TBC1D32: variants seen among roughly 807,000 people sequenced by gnomAD.
TBC1D32 encodes the protein TBC1 domain family member 32, also known as protein broad-minded.
Under a neutral mutation model 170.3 loss-of-function variants are expected in TBC1D32, and 151 were observed. That is an observed-to-expected ratio of 0.89 (90% CI 0.78 to 1.01). The LOEUF is 1.01. Ranked by LOEUF, TBC1D32 falls within the 50% of genes least tolerant of loss-of-function variation. TBC1D32 has a pLI of 0.00. For missense variants in TBC1D32, 1,464 were observed against 1,457.1 expected (o/e 1.00, Z -0.08); for synonymous variants, 498 against 488.0 (o/e 1.02, Z -0.27).
At chr6:121,250,062 CT>C (rs1335912002) in intron 17 of TBC1D32, among the ~76,000 whole-genome samples, 2 of 152,060 alleles carry the variant, frequency 1.3e-5, no homozygotes, top group African/African-American at 4.8e-5. Flanking sequence ...CTGAAGGCAT[CT>C]CATTACCCAC....
At chr6:121,256,972 G>A (rs116874176) in intron 15 of TBC1D32, among the ~76,000 whole-genome samples, 3,636 of 151,952 alleles carry the variant, frequency 0.024, 158 homozygotes, top group East Asian at 0.12. Flanking sequence ...ATGCCCGGCC[G>A]GCTGAGACAC....
rs200173892 is a variant in TBC1D32, at chr6:121,080,849, T to A, written c.3696A>T (p.Glu1232Asp). The A allele has an allele frequency of 6.2e-7, 1 of 1,613,850 alleles. No homozygotes were observed. Reference sequence around the variant, plus strand: ...AGTTTTGTTCCAAAATTTCCATGTATTCAAAATAATCACTCACTCGAAACC... The same window carrying A: ...AGTTTTGTTCCAAAATTTCCATGTAATCAAAATAATCACTCACTCGAAACC... Reference protein sequence around the residue: ...LHGFRVSDYFEYMEILEQNYR... With the variant: ...LHGFRVSDYFDYMEILEQNYR... The change falls in exon 32 of 32, where the codon GAA (glutamate) becomes GAT (aspartate). Residue 1232 changes from glutamate to aspartate, a missense_variant. Glu to Asp is a conservative substitution (Grantham distance 45). Coordinates refer to ENST00000398212, the MANE Select transcript of TBC1D32 (RefSeq NM_152730.6).
Position 121,161,050 on chromosome 6 carries a change from A to G in TBC1D32, c.2577T>C (p.Phe859=). 1 of 1,606,662 alleles carries G rather than the reference A, an allele frequency of 6.2e-7. No homozygotes were observed. The highest frequency in any genetic ancestry group is 1.7e-5 in the Admixed American group (1 of 59,080). The part of the protein sequence containing the change: ...EQSHIFGLRD[F]IIDGLSVERN... ...TCTCCACTGATAAGCCATCAATTATAAAGTCCCTGAAAAAATAAATATATC... is the reference window on the plus strand; with the variant it reads ...TCTCCACTGATAAGCCATCAATTATGAAGTCCCTGAAAAAATAAATATATC... The change falls in exon 23 of 32, where the codon TTT becomes TTC. Residue 859 remains phenylalanine, a synonymous_variant. Transcript: ENST00000398212.
At chr6:121,244,520 A>T (rs926323643) in intron 17 of TBC1D32, among the ~76,000 whole-genome samples, 6 of 152,112 alleles carry the variant, frequency 3.9e-5, no homozygotes, top group African/African-American at 1.4e-4. Context: ...ACTGAGGTAA[A>T]GTTCCAGAGG....
At chr6:121,259,912 G>C (rs1243637106) in intron 15 of TBC1D32, among the ~76,000 whole-genome samples, 2 of 152,164 alleles carry the variant, frequency 1.3e-5, no homozygotes, top group Non-Finnish European at 2.9e-5. Context: ...AAGGTAGGCA[G>C]AGCTCAAGAA....
chr6:121,085,250 T>TATATATACAC (rs60281068), intron 31 of TBC1D32, among the ~76,000 whole-genome samples: 33,937 of 142,396 alleles, frequency 0.24, 6,034 homozygotes, highest in African/African-American at 0.51. Flanking sequence ...TACATACGTA[T>TATATATACAC]ATATATACAC....
chr6:121,333,895 C>T (rs546892941), intron 1 of TBC1D32, among the ~76,000 whole-genome samples: 1 of 151,824 alleles, frequency 6.6e-6, no homozygotes, highest in African/African-American at 2.4e-5. Flanking sequence ...GGTGAAACAC[C>T]GTCTCTACTA....
At chr6:121,198,430 C>G (rs1288717818) in intron 22 of TBC1D32, among the ~76,000 whole-genome samples, 1 of 150,138 alleles carries the variant, frequency 6.7e-6, no homozygotes, top group Non-Finnish European at 1.5e-5. Context: ...AGGCTTAGGG[C>G]TGGACATACA....
intron 24 of TBC1D32, among the ~76,000 whole-genome samples, chr6:121,148,162 T>G (rs1783719856): frequency 6.6e-6 from 1 of 151,652 alleles, no homozygotes; most frequent in African/African-American, 2.4e-5. Context: ...CAGGCCCCAG[T>G]GTGTGATGTT....
chr6:121,285,083 G>C (rs1489773969), intron 12 of TBC1D32, among the ~76,000 whole-genome samples: 2 of 152,154 alleles, frequency 1.3e-5, no homozygotes, highest in African/African-American at 4.8e-5. Context: ...AACGGGGTCA[G>C]CAAACTATAG....
chr6:121,115,265 T>C (rs768008760), intron 26 of TBC1D32, 24 bp from the exon 27 acceptor site: 2 of 1,520,786 alleles, frequency 1.3e-6, no homozygotes, highest in Non-Finnish European at 1.8e-6. Context: ...AAAACTGAGT[T>C]ATAAAGTGCA....
intron 30 of TBC1D32, among the ~76,000 whole-genome samples, chr6:121,099,091 A>T (rs969358276): frequency 6.6e-6 from 1 of 152,006 alleles, no homozygotes; most frequent in Non-Finnish European, 1.5e-5. Context: ...GGGGAAAAAG[A>T]GCAAATGAGA....
At chr6:121,191,362 C>T (rs1319770954) in intron 22 of TBC1D32, among the ~76,000 whole-genome samples, 1 of 152,194 alleles carries the variant, frequency 6.6e-6, no homozygotes. Context: ...ACATAAATTA[C>T]ATACAGTAAC....
intron 26 of TBC1D32, among the ~76,000 whole-genome samples, chr6:121,123,427 C>T (rs1212664111): frequency 2.0e-5 from 3 of 152,012 alleles, no homozygotes; most frequent in South Asian, 2.1e-4. Context: ...GTGTTAGGTG[C>T]ATGTATATTT....
At chr6:121,152,208 T>G (rs111585037) in intron 24 of TBC1D32, among the ~76,000 whole-genome samples, 2 of 152,160 alleles carry the variant, frequency 1.3e-5, no homozygotes, top group East Asian at 3.9e-4. Flanking sequence ...AGTGACAAAA[T>G]CCCTCAGCAT....
chr6:121,185,884 T>C (rs1247174992), intron 22 of TBC1D32, among the ~76,000 whole-genome samples: 1 of 152,034 alleles, frequency 6.6e-6, no homozygotes, highest in Non-Finnish European at 1.5e-5. Context: ...ATTGGTGGAA[T>C]GGCATGTTGA....
At chr6:121,272,635 ATAGGAACACTTT>A (rs1445330802) in intron 15 of TBC1D32, among the ~76,000 whole-genome samples, 2 of 152,190 alleles carry the variant, frequency 1.3e-5, no homozygotes, top group African/African-American at 4.8e-5. Flanking sequence ...ATGTGGAGAA[ATAGGAACACTTT>A]TACACTGTTG....
chr6:121,151,676 T>C (rs1437968729), intron 24 of TBC1D32, among the ~76,000 whole-genome samples: 3 of 152,368 alleles, frequency 2.0e-5, no homozygotes, highest in African/African-American at 7.2e-5. Flanking sequence ...TTTATGAATC[T>C]AGGTGCTCTT....
chr6:121,304,941 A>C, intron 5 of TBC1D32, 108 bp from the exon 6 acceptor site: 2 of 729,306 alleles, frequency 2.7e-6, no homozygotes, highest in Non-Finnish European at 4.5e-6. Context: ...AATACAAATA[A>C]ACCATTCAGA....
Sources: gnomAD v4.1 joint callset for allele counts (sites outside exome capture counted in the v4.1 genomes callset) on GRCh38, gnomAD v4.1.1 for gene constraint, MANE v1.5 for transcripts, NCBI Gene and HGNC (gene_info 2026-07-23, HGNC 2026-07-21) for gene names.